The following CACHD1 variants were observed in gnomAD, a reference collection of about 807,000 sequenced individuals.
CACHD1 encodes the protein cache domain containing 1.
CACHD1 carries 71 observed loss-of-function variants against 138.7 expected under a neutral mutation model. The observed-to-expected ratio is 0.51, with a 90% CI of 0.42 to 0.62. The LOEUF (loss-of-function observed/expected upper bound fraction) is 0.62, where lower values mean the gene tolerates loss of function less well. Ranked by LOEUF, CACHD1 falls within the 20% of genes least tolerant of loss-of-function variation. The pLI, the probability that CACHD1 is intolerant of heterozygous loss-of-function variation, is 0.00. For missense variants in CACHD1, 1,389 were observed against 1,625.3 expected (o/e 0.85, Z 2.50); for synonymous variants, 578 against 591.5 (o/e 0.98, Z 0.33).
chr1:64,575,109 A>T (rs559157386), intron 2 of CACHD1, among the ~76,000 whole-genome samples: 40 of 152,342 alleles, frequency 2.6e-4, no homozygotes, highest in Admixed American at 5.2e-4. Context: ...CCACTATGAT[A>T]GTAAGAATAA....
intron 7 of CACHD1, among the ~76,000 whole-genome samples, chr1:64,637,347 G>A (rs1648560352): frequency 6.6e-6 from 1 of 152,148 alleles, no homozygotes; most frequent in South Asian, 2.1e-4. Flanking sequence ...CCATCCAGAG[G>A]GTAGCTGCTC....
intron 1 of CACHD1, among the ~76,000 whole-genome samples, chr1:64,515,252 C>CA (rs1171531116): frequency 6.6e-6 from 1 of 152,134 alleles, no homozygotes; most frequent in Non-Finnish European, 1.5e-5. Context: ...CAGATACTTA[C>CA]AAAAAATAAT....
intron 1 of CACHD1, among the ~76,000 whole-genome samples, chr1:64,513,805 G>C (rs2100355635): frequency 6.6e-6 from 1 of 152,310 alleles, no homozygotes; most frequent in East Asian, 1.9e-4. Context: ...TTGGCAGCAG[G>C]AATGTTAGTC....
At chr1:64,629,605 T>C (rs1648231348) in intron 5 of CACHD1, 124 bp downstream of exon 5, 2 of 1,183,982 alleles carry the variant, frequency 1.7e-6, no homozygotes, top group African/African-American at 1.6e-5. Flanking sequence ...TTTGTACTTG[T>C]TCTGAAATGA....
At chr1:64,605,663 G>A (rs1203229128) in intron 4 of CACHD1, among the ~76,000 whole-genome samples, 3 of 152,124 alleles carry the variant, frequency 2.0e-5, no homozygotes, top group African/African-American at 7.2e-5. Flanking sequence ...TGCTCACTTG[G>A]GGTCCAGAAT....
chr1:64,684,461 T>G (rs1650298366), intron 26 of CACHD1, among the ~76,000 whole-genome samples: 1 of 150,562 alleles, frequency 6.6e-6, no homozygotes, highest in Admixed American at 6.7e-5. Flanking sequence ...AGAAAAAAGC[T>G]TATAGAATAA....
intron 2 of CACHD1, among the ~76,000 whole-genome samples, chr1:64,552,469 TTG>T (rs1460124017): frequency 4.0e-4 from 39 of 96,540 alleles, no homozygotes; most frequent in Non-Finnish European, 6.5e-4. Context: ...TTATTTTGTT[TTG>T]TTTTTTTTTT....
chr1:64,487,455 A>G (rs1646250076), intron 1 of CACHD1, among the ~76,000 whole-genome samples: 1 of 152,312 alleles, frequency 6.6e-6, no homozygotes, highest in Middle Eastern at 3.4e-3. Context: ...CAAAGCTCCT[A>G]GAGCTGGGTT....
intron 16 of CACHD1, among the ~76,000 whole-genome samples, chr1:64,669,544 G>A (rs762640943): frequency 6.6e-6 from 1 of 152,160 alleles, no homozygotes; most frequent in African/African-American, 2.4e-5. Context: ...ATCTGGGTTT[G>A]CATTCTTTGG....
At chr1:64,508,096 CAGG>C (rs1275537230) in intron 1 of CACHD1, among the ~76,000 whole-genome samples, 9 of 152,200 alleles carry the variant, frequency 5.9e-5, no homozygotes, top group African/African-American at 2.2e-4. Context: ...ATGGCCAGAG[CAGG>C]AGGACAAGAG....
chr1:64,630,278 C>T (rs945849116), intron 5 of CACHD1, among the ~76,000 whole-genome samples: 1 of 151,500 alleles, frequency 6.6e-6, no homozygotes, highest in Admixed American at 6.6e-5. Flanking sequence ...AAGGAAAATA[C>T]TTCATCTGTG....
chr1:64,486,935 G>T (rs543306466), intron 1 of CACHD1, among the ~76,000 whole-genome samples: 1 of 152,182 alleles, frequency 6.6e-6, no homozygotes, highest in African/African-American at 2.4e-5. Context: ...CTTCTTGGGG[G>T]TGCTGATATT....
intron 22 of CACHD1, among the ~76,000 whole-genome samples, chr1:64,677,284 A>G (rs1012856806): frequency 3.3e-5 from 5 of 152,054 alleles, no homozygotes; most frequent in African/African-American, 9.7e-5. Flanking sequence ...GGGAGGAGGA[A>G]CCCCTGAGGT....
chr1:64,577,338 A>G (rs1389726770), intron 2 of CACHD1, among the ~76,000 whole-genome samples: 2 of 152,224 alleles, frequency 1.3e-5, no homozygotes, highest in Non-Finnish European at 2.9e-5. Context: ...ATTAGAAATC[A>G]TATTAATTTT....
intron 1 of CACHD1, among the ~76,000 whole-genome samples, chr1:64,532,272 GAATT>G (rs1240997772): frequency 2.0e-5 from 3 of 152,078 alleles, no homozygotes; most frequent in African/African-American, 7.2e-5. Flanking sequence ...CCCTTCTTGT[GAATT>G]AATTAATTGA....
At chr1:64,563,183 A>G (rs912096201) in intron 2 of CACHD1, among the ~76,000 whole-genome samples, 31 of 134,536 alleles carry the variant, frequency 2.3e-4, no homozygotes, top group African/African-American at 8.4e-4. Context: ...ATATATTCTG[A>G]CAGACAGTTT....
intron 1 of CACHD1, among the ~76,000 whole-genome samples, chr1:64,471,603 G>A (rs1280915184): frequency 6.6e-6 from 1 of 152,216 alleles, no homozygotes; most frequent in Non-Finnish European, 1.5e-5. Context: ...GTAGACTCCC[G>A]ACTCTAATCC....
rs1038670346 is a variant in CACHD1 at position 64,692,895 on chromosome 1, T to A, written c.*1334T>A. ...TCCGTTTATATGTAGTTGGAAAAAA[T>A]TCACTGAATAATGTTTTAATGATAG... On this transcript the variant is annotated 3_prime_UTR_variant, in exon 27 of 27. Transcript: ENST00000651257. 7 of 152,552 alleles carry A rather than the reference T, an allele frequency of 4.6e-5. No individual in the cohort carries two copies. Among genetic ancestry groups the A allele is most frequent in the Non-Finnish European group, 7.3e-5 (5 of 68,032 alleles). 9.4% of individuals were successfully genotyped at this position (152,552 alleles called of 1,614,324 possible).
intron 26 of CACHD1, among the ~76,000 whole-genome samples, chr1:64,685,557 T>C (rs1022532367): frequency 1.3e-5 from 2 of 152,120 alleles, no homozygotes; most frequent in Non-Finnish European, 2.9e-5. Flanking sequence ...TCTCCCCCTT[T>C]TTTTTCCACA....
Sources: gnomAD v4.1 joint callset for allele counts (sites outside exome capture counted in the v4.1 genomes callset) on GRCh38, gnomAD v4.1.1 for gene constraint, MANE v1.5 for transcripts, NCBI Gene and HGNC (gene_info 2026-07-23, HGNC 2026-07-21) for gene names.